Variants in DLEU7 observed in about 807,000 individuals in gnomAD.
DLEU7 encodes the protein deleted in lymphocytic leukemia 7, also known as leukemia-associated protein 7.
In DLEU7, 17 loss-of-function variants were observed where a neutral mutation model predicts 16.0. That is an observed-to-expected ratio of 1.06 (90% confidence interval 0.73 to 1.59). The LOEUF (loss-of-function observed/expected upper bound fraction) is 1.59, where lower values mean the gene tolerates loss of function less well. Ranked by LOEUF, DLEU7 falls within the 40% of genes most tolerant of loss-of-function variation. The pLI is 0.00. For synonymous variants in DLEU7, 113 were observed against 139.8 expected, an observed-to-expected ratio of 0.81 and a Z score of 1.35; for missense variants, 308 against 314.9, an observed-to-expected ratio of 0.98 and a Z score of 0.17.
At chr13:50,747,593 C>A (rs567792204) in intron 1 of DLEU7, among the ~76,000 whole-genome samples, 2 of 152,166 alleles carry the variant, frequency 1.3e-5, no homozygotes, top group East Asian at 3.9e-4. Context: ...AGTCACAGAA[C>A]ACAGGTTGTC....
At chr13:50,783,689 C>T (rs1875718366) in intron 1 of DLEU7, among the ~76,000 whole-genome samples, 1 of 152,160 alleles carries the variant, frequency 6.6e-6, no homozygotes, top group African/African-American at 2.4e-5. Context: ...AAACAGGTAG[C>T]AGGAATGTAA....
chr13:50,781,861 G>C (rs1056752788), intron 1 of DLEU7, among the ~76,000 whole-genome samples: 1 of 152,126 alleles, frequency 6.6e-6, no homozygotes, highest in East Asian at 1.9e-4. Flanking sequence ...AGATGGCTTT[G>C]ATTTTAAGAT....
chr13:50,762,314 G>A (rs370670290), intron 1 of DLEU7, among the ~76,000 whole-genome samples: 1 of 151,852 alleles, frequency 6.6e-6, no homozygotes, highest in Admixed American at 6.6e-5. Context: ...TGGGGATTAC[G>A]ACTATCACAA....
At chr13:50,752,639 G>A (rs922667984) in intron 1 of DLEU7, among the ~76,000 whole-genome samples, 4 of 151,766 alleles carry the variant, frequency 2.6e-5, no homozygotes, top group African/African-American at 9.7e-5. Flanking sequence ...CGACCTTCAC[G>A]GTGAGTGTTA....
intron 1 of DLEU7, among the ~76,000 whole-genome samples, chr13:50,758,716 G>A (rs960919828): frequency 9.2e-5 from 14 of 152,188 alleles, no homozygotes; most frequent in African/African-American, 3.1e-4. Flanking sequence ...CTTGTCACAT[G>A]AACCTCTCCA....
intron 1 of DLEU7, among the ~76,000 whole-genome samples, chr13:50,780,028 A>G (rs1412792685): frequency 2.0e-5 from 3 of 152,030 alleles, no homozygotes; most frequent in Admixed American, 6.6e-5. Context: ...CTTAAAAGAG[A>G]TTGTGAGTTT....
intron 1 of DLEU7, among the ~76,000 whole-genome samples, chr13:50,770,740 T>G (rs112447418): frequency 6.6e-6 from 1 of 152,192 alleles, no homozygotes; most frequent in East Asian, 1.9e-4. Context: ...TCTCTTTTTT[T>G]GTTGTGTCTC....
intron 1 of DLEU7, among the ~76,000 whole-genome samples, chr13:50,789,018 C>A (rs757182132): frequency 3.9e-4 from 59 of 152,062 alleles, no homozygotes; most frequent in Admixed American, 1.3e-3. Flanking sequence ...ATAATGGCTT[C>A]AATTTTGGAA....
At chr13:50,712,188 C>T (rs1332718387) in exon 2 of DLEU7, 4 of 152,128 alleles carry the variant, frequency 2.6e-5, no homozygotes, top group Non-Finnish European at 5.9e-5. Context: ...GCCAAGTGCC[C>T]ACATCAGTTT....
chr13:50,797,235 A>G (rs907673184), intron 1 of DLEU7, among the ~76,000 whole-genome samples: 26 of 152,170 alleles, frequency 1.7e-4, no homozygotes, highest in Non-Finnish European at 2.8e-4. Flanking sequence ...GCTGGGATTC[A>G]TCCTCCAGGA....
At chr13:50,736,116 C>T (rs1874063645) in intron 1 of DLEU7, among the ~76,000 whole-genome samples, 1 of 152,076 alleles carries the variant, frequency 6.6e-6, no homozygotes, top group Admixed American at 6.6e-5. Context: ...AAATACCCAT[C>T]CATGGTAGAC....
At chr13:50,822,494 G>GAA (rs11330207), downstream of DLEU7, 30 of 319,406 alleles carry the variant, frequency 9.4e-5, no homozygotes, top group Middle Eastern at 1.6e-3. Context: ...GACTGTTGTT[G>GAA]AAAAAAAAAA....
rs900721135 is a variant in DLEU7, at chr13:50,810,725, C to T, written c.459+32463G>A. 3.9e-5 allele frequency among the ~76,000 whole-genome samples: 6 copies of T among 152,268 alleles called. No individual in the cohort carries two copies. The East Asian group carries it at 1.2e-3, about 29-fold the overall frequency. On this transcript the variant is annotated intron_variant, in intron 1 of 1. Coordinates refer to the DLEU7 transcript ENST00000400393. ...CCATAGCTGTTCATCATACCCGTAT[C>T]TCAGCAATCTATAAGTGTTGTTAAA...
intron 1 of DLEU7, among the ~76,000 whole-genome samples, chr13:50,752,999 C>T (rs1030001281): frequency 1.3e-5 from 2 of 152,122 alleles, no homozygotes; most frequent in Non-Finnish European, 2.9e-5. Flanking sequence ...CAAAGGTTCT[C>T]CTCGTCCCCA....
At chr13:50,765,707 G>T (rs1352853502) in intron 1 of DLEU7, among the ~76,000 whole-genome samples, 4 of 151,986 alleles carry the variant, frequency 2.6e-5, no homozygotes, top group Non-Finnish European at 5.9e-5. Context: ...TAGAATGAAA[G>T]TTAAGCTTAG....
intron 1 of DLEU7, among the ~76,000 whole-genome samples, chr13:50,810,587 C>T (rs561299917): frequency 7.2e-5 from 11 of 152,240 alleles, no homozygotes; most frequent in African/African-American, 2.2e-4. Flanking sequence ...GGTCCACAGA[C>T]GGGCATTTGG....
intron 1 of DLEU7, among the ~76,000 whole-genome samples, chr13:50,767,083 T>C (rs1170411875): frequency 6.6e-6 from 1 of 152,238 alleles, no homozygotes; most frequent in Non-Finnish European, 1.5e-5. Context: ...CTGATGGCTT[T>C]CATCCACTTC....
chr13:50,721,464 A>C (rs994447597), intron 1 of DLEU7, among the ~76,000 whole-genome samples: 1 of 150,944 alleles, frequency 6.6e-6, no homozygotes, highest in African/African-American at 2.4e-5. Context: ...TGACTAATAC[A>C]TCTAGCATTA....
Position 50,758,044 on chromosome 13 carries a change from T to A in DLEU7, c.460-44804A>T, listed in dbSNP as rs1013197926. ...ACCAAGATTTTTTTTTTTTTTTTTTTTTTTTTGAGATGAGGTTTAGCTATG... is the reference window on the plus strand; with the variant it reads ...ACCAAGATTTTTTTTTTTTTTTTTTATTTTTTGAGATGAGGTTTAGCTATG... On this transcript the variant is annotated intron_variant, in intron 1 of 1. Transcript: ENST00000400393. Among the ~76,000 whole-genome samples the A allele has an allele frequency of 3.7e-4, 55 of 148,922 alleles. 1 individual carries two copies. In the East Asian group the frequency reaches 0.01, roughly 28 times the overall value.
Sources: gnomAD v4.1 joint callset for allele counts (sites outside exome capture counted in the v4.1 genomes callset) on GRCh38, gnomAD v4.1.1 for gene constraint, MANE v1.5 for transcripts, NCBI Gene and HGNC (gene_info 2026-07-23, HGNC 2026-07-21) for gene names.